RPS6KB2: variants seen among roughly 807,000 people sequenced by gnomAD.
The protein encoded by RPS6KB2 is ribosomal protein S6 kinase beta-2.
Under a neutral mutation model 58.2 loss-of-function variants are expected in RPS6KB2, and 51 were observed. That is an observed-to-expected ratio of 0.88 (90% CI 0.70 to 1.11). The LOEUF (loss-of-function observed/expected upper bound fraction) is 1.11, where lower values mean the gene tolerates loss of function less well. RPS6KB2 is among the 50% of genes least tolerant of loss of function. The pLI, the probability that RPS6KB2 is intolerant of heterozygous loss-of-function variation, is 0.00. For synonymous variants in RPS6KB2, 293 were observed against 258.6 expected (o/e 1.13, Z -1.28); for missense variants, 671 against 655.8 (o/e 1.02, Z -0.25).
chr11:67,435,089 T>C lies in RPS6KB2; in HGVS notation c.1369T>C (p.Ser457Pro), dbSNP rs1590980624. The change falls in exon 15 of 15, where the codon TCG (serine) becomes CCG (proline). Residue 457 changes from serine to proline, a missense_variant. Physicochemically the swap from Ser to Pro is moderately conservative, Grantham distance 74. Coordinates refer to ENST00000312629, the MANE Select transcript of RPS6KB2 (RefSeq NM_003952.3). ...TCCACTCCTGCCACCGCCGCCGCCC[T>C]CGACCACCGCCCCTCTCCCCATCCG... ...LPPLLPPPPP[S>P]TTAPLPIRPP... is the part of the protein sequence containing the mutation. 1.9e-6 allele frequency: 3 copies of C among 1,609,752 alleles called. No homozygotes were observed. Among genetic ancestry groups the C allele is most frequent in the Non-Finnish European group, 2.5e-6 (3 of 1,179,390 alleles).
chr11:67,432,441 G>C (rs897270957), intron 5 of RPS6KB2, 159 bp from the exon 6 acceptor site: 4 of 785,876 alleles, frequency 5.1e-6, no homozygotes, highest in African/African-American at 1.7e-5. Context: ...AGTAGGCGTC[G>C]GTAGATGTTT....
chr11:67,432,768 G>A lies in RPS6KB2; in HGVS notation c.547G>A (p.Gly183Ser), dbSNP rs1206101683. ...CCTGGCTGAGATCACGCTGGCCCTG[G>A]GCCATCTCCACTCCCAGGGCATCAT... ...FYLAEITLAL[G>S]HLHSQGIIYR... Residue 183 changes from glycine to serine, a missense_variant, in exon 7 of 15, where the codon GGC becomes AGC. Transcript: ENST00000312629. 2.4e-5 allele frequency: 39 copies of A among 1,614,140 alleles called. No individual in the cohort carries two copies. The highest frequency in any genetic ancestry group is 3.3e-5 in the Non-Finnish European group (39 of 1,180,028).
rs1402025984 is a variant in RPS6KB2, at chr11:67,428,999, C to T, written c.96C>T (p.Ala32=). 6.2e-7 allele frequency: 1 copy of T among 1,613,730 alleles called. No individual in the cohort carries two copies. Among genetic ancestry groups the T allele is most frequent in the East Asian group, 2.2e-5 (1 of 44,866 alleles). The change falls in exon 2 of 15, where the codon GCC becomes GCT. Residue 32 remains alanine (A), a synonymous_variant. Transcript: ENST00000312629. The part of the protein sequence containing the change: ...ELSPADACPL[A]ELRAAGLEPV... ...TCTCACAGGACGCATGTCCCCTTGC[C>T]GAGTTGAGGGCAGCTGGCCTAGAGT...
chr11:67,432,189 A>G (rs925816040), intron 5 of RPS6KB2: 8 of 411,050 alleles, frequency 1.9e-5, no homozygotes, highest in African/African-American at 6.1e-5. Context: ...CGTCCATCTC[A>G]GCATCCCCTT....
intron 2 of RPS6KB2, 24 bp from the exon 3 acceptor site, chr11:67,429,096 C>T: frequency 6.2e-7 from 1 of 1,613,910 alleles, no homozygotes. Context: ...GAGCCTTGTC[C>T]TCATTAACTC....
At position 67,429,045 on chromosome 11, in the gene RPS6KB2, G is replaced by A. The variant is rs375384876; in HGVS notation, c.119+23G>A. 4 of 1,613,596 alleles carry A rather than the reference G, an allele frequency of 2.5e-6. No homozygotes were observed. In the East Asian group the frequency reaches 8.9e-5, roughly 36 times the overall value. On this transcript the variant is annotated intron_variant, in intron 2 of 14. Coordinates refer to ENST00000312629, the MANE Select transcript of RPS6KB2 (RefSeq NM_003952.3). Reference sequence around the variant, plus strand: ...AGAGTGAGTGAGGGTCGTGTTGGGGGAGGGGGGAATGGAGTGGGGAAGGGG... The same window carrying A: ...AGAGTGAGTGAGGGTCGTGTTGGGGAAGGGGGGAATGGAGTGGGGAAGGGG...
intron 1 of RPS6KB2, 100 bp downstream of exon 1, chr11:67,428,723 CTT>C (rs984117203): frequency 4.4e-6 from 5 of 1,142,704 alleles, no homozygotes; most frequent in African/African-American, 1.6e-5. Context: ...GGCTCCGACT[CTT>C]TGCAGACCCA....
At chr11:67,433,499 T>C (rs1864120108) in intron 10 of RPS6KB2, 52 bp downstream of exon 10, 1 of 1,380,516 alleles carries the variant, frequency 7.2e-7, no homozygotes, top group Non-Finnish European at 1.0e-6. Context: ...TCTGCACGTG[T>C]TCCTGAGTCT....
rs371472081 is a variant in RPS6KB2 at position 67,433,975 on chromosome 11, CCT to C, written c.907-14_907-13del. 24 of 1,613,948 alleles carry C rather than the reference CCT, an allele frequency of 1.5e-5. No individual in the cohort carries two copies. The African/African-American group carries it at 2.8e-4, about 19-fold the overall frequency. ...GAGCAGTACTTGCCCAGGCCCTCAC[CCT>C]CTCTCCTGGTCCCGCAGTTTCTGAA... On this transcript the variant is annotated intron_variant, in intron 10 of 14. Transcript: ENST00000312629.
Position 67,432,594 on chromosome 11 carries a change from T to C in RPS6KB2, c.458-6T>C, listed in dbSNP as rs1864065673. On this transcript the variant is annotated splice_region_variant and splice_polypyrimidine_tract_variant and intron_variant, in intron 5 of 14. Coordinates refer to ENST00000312629, the MANE Select transcript of RPS6KB2 (RefSeq NM_003952.3). ...GCACGTGGCTGCTGACGTGTTTGTG[T>C]GGCAGGTGGCGAGCTCTTCACGCAT... 1 of 1,614,178 alleles carries C rather than the reference T, an allele frequency of 6.2e-7. No individual in the cohort carries two copies. Among genetic ancestry groups the C allele is most frequent in the Non-Finnish European group, 8.5e-7 (1 of 1,180,030 alleles).
Position 67,434,493 on chromosome 11 carries a change from G to A in RPS6KB2, c.1155+9G>A, listed in dbSNP as rs560400540. 1.1e-4 allele frequency: 184 copies of A among 1,607,048 alleles called. 3 individuals are homozygous for A. The South Asian group carries it at 1.5e-3, about 13-fold the overall frequency. On this transcript the variant is annotated intron_variant, in intron 13 of 14. Transcript: ENST00000312629. ...CCAACCAGGCCTTCCTGGTGAGTGC[G>A]GGGGCCTGAGGCCTGTGGGACCAGG...
Position 67,433,235 on chromosome 11 carries a change from G to A in RPS6KB2, c.798+19G>A, listed in dbSNP as rs1479839704. On this transcript the variant is annotated intron_variant, in intron 9 of 14. Coordinates refer to ENST00000312629, the MANE Select transcript of RPS6KB2 (RefSeq NM_003952.3). ...TGGATCGGCAAGTCCAGCCCCCGGGGAGGAGGAGGGGCAGGGGCAGAGGTG... is the reference window on the plus strand; with the variant it reads ...TGGATCGGCAAGTCCAGCCCCCGGGAAGGAGGAGGGGCAGGGGCAGAGGTG... 6.2e-7 allele frequency: 1 copy of A among 1,606,758 alleles called. No individual in the cohort carries two copies. The highest frequency in any genetic ancestry group is 1.3e-5 in the African/African-American group (1 of 74,872).
chr11:67,429,243 A>AG lies in RPS6KB2; in HGVS notation c.240+7dup. On this transcript the variant is annotated splice_donor_region_variant and intron_variant, in intron 3 of 14. Transcript: ENST00000312629. ...TGGGCAAGGGGGGCTATGGCAAGGT[A>AG]GGGGCGGGCGCACCCTCCTCCTGGC... 6.2e-7 allele frequency: 1 copy of AG among 1,612,498 alleles called. No individual in the cohort carries two copies.
In RPS6KB2 at chr11:67,432,654, C is replaced by T. The variant is rs1311069264; in HGVS notation, c.512C>T (p.Ala171Val). 3 of 1,614,016 alleles carry T rather than the reference C, an allele frequency of 1.9e-6. No homozygotes were observed. Among genetic ancestry groups the T allele is most frequent in the Admixed American group, 1.7e-5 (1 of 60,008 alleles). ...EREGIFLEDT[A>V]CFYLAEITLA... ...GAGGGCATCTTCCTGGAAGATACGGCCTGGTGGGTGTTAATCCTCCGCTTT... is the reference window on the plus strand; with the variant it reads ...GAGGGCATCTTCCTGGAAGATACGGTCTGGTGGGTGTTAATCCTCCGCTTT... Residue 171 changes from alanine to valine, a missense_variant, in exon 6 of 15, where the codon GCC (alanine) becomes GTC (valine). Transcript: ENST00000312629.
intron 10 of RPS6KB2, 47 bp from the exon 11 acceptor site, chr11:67,433,948 A>T (rs917729493): frequency 3.7e-6 from 6 of 1,608,846 alleles, no homozygotes; most frequent in Non-Finnish European, 5.1e-6. Context: ...CCGGGGACAC[A>T]TGAGCAGTAC....
At chr11:67,433,613 C>T (rs1864127997) in intron 10 of RPS6KB2, among the ~76,000 whole-genome samples, 166 bp downstream of exon 10, 1 of 152,224 alleles carries the variant, frequency 6.6e-6, no homozygotes, top group Non-Finnish European at 1.5e-5. Flanking sequence ...CAGGTCTCAG[C>T]CCTGTCACAG....
intron 4 of RPS6KB2, 22 bp downstream of exon 4, chr11:67,429,617 C>A: frequency 1.3e-6 from 2 of 1,581,316 alleles, no homozygotes; most frequent in Non-Finnish European, 1.7e-6. Flanking sequence ...GTTCAGCCAA[C>A]GAATACTGTG....
chr11:67,434,375 A>T lies in RPS6KB2; in HGVS notation c.1048-2A>T. ...CCCCTCCCCACTCTGGTCGGCCCAC[A>T]GCAGTCAGAGGAGGACGTGAGCCAG... is the stretch of plus-strand genomic sequence containing the variant. On this transcript the variant is annotated splice_acceptor_variant, in intron 12 of 14. Transcript: ENST00000312629. LOFTEE classifies it high-confidence loss of function. 1 of 1,612,906 alleles carries T rather than the reference A, an allele frequency of 6.2e-7. No individual in the cohort carries two copies. Among genetic ancestry groups the T allele is most frequent in the Non-Finnish European group, 8.5e-7 (1 of 1,179,702 alleles).
rs141639572 is a variant in RPS6KB2 at position 67,433,725 on chromosome 11, TA to T, written c.907-269del. On this transcript the variant is annotated intron_variant, in intron 10 of 14. Coordinates refer to ENST00000312629, the MANE Select transcript of RPS6KB2 (RefSeq NM_003952.3). Reference sequence around the variant, plus strand: ...CGTCAAAGGCGAGCATCGGAGGTGTTAGGGGGAGGCCGGACAGCCACATGGG... The same window carrying T: ...CGTCAAAGGCGAGCATCGGAGGTGTTGGGGGAGGCCGGACAGCCACATGGG... Among the ~76,000 whole-genome samples, 764 of 152,292 alleles carry T rather than the reference TA, an allele frequency of 5.0e-3. 27 individuals carry two copies. In the East Asian group the frequency reaches 0.11, roughly 23 times the overall value.
Sources: allele counts gnomAD v4.1 joint callset (sites outside exome capture counted in the v4.1 genomes callset), GRCh38; gene constraint gnomAD v4.1.1; transcripts MANE v1.5; gene names NCBI Gene and HGNC (gene_info 2026-07-23, HGNC 2026-07-21).